ABLIM1: variants seen among roughly 807,000 people sequenced by gnomAD.
ABLIM1 encodes actin-binding LIM protein 1.
In ABLIM1, 40 loss-of-function variants were observed where a neutral mutation model predicts 107.0. The observed-to-expected ratio is 0.37, with a 90% confidence interval of 0.29 to 0.49. The LOEUF (loss-of-function observed/expected upper bound fraction) is 0.49, where lower values mean the gene tolerates loss of function less well. ABLIM1 is among the 20% of genes least tolerant of loss of function. The probability of loss-of-function intolerance (pLI) is 0.97; values close to 1 mark genes in which losing one functional copy is unlikely to be tolerated. For missense variants in ABLIM1, 857 were observed against 1,008.5 expected (o/e 0.85, Z 2.04); for synonymous variants, 357 against 357.3 (o/e 1.00, Z 0.01).
chr10:114,636,519 G>A (rs2078487759), intron 1 of ABLIM1, among the ~76,000 whole-genome samples: 2 of 152,166 alleles, frequency 1.3e-5, no homozygotes, highest in African/African-American at 4.8e-5. Context: ...CAGACAGCTT[G>A]ACATGGAATG....
At chr10:114,669,241 T>C (rs1006580136) in intron 1 of ABLIM1, among the ~76,000 whole-genome samples, 1 of 152,236 alleles carries the variant, frequency 6.6e-6, no homozygotes, top group Non-Finnish European at 1.5e-5. Context: ...TTTTATTGAT[T>C]AAAATTTCCA....
intron 8 of ABLIM1, among the ~76,000 whole-genome samples, chr10:114,483,104 A>G (rs894144191): frequency 4.6e-5 from 7 of 152,228 alleles, no homozygotes; most frequent in Admixed American, 2.0e-4. Flanking sequence ...ACTGGAGCTG[A>G]AACTTTAACA....
chr10:114,735,756 C>G (rs2082166943), intron 1 of ABLIM1, among the ~76,000 whole-genome samples: 1 of 152,180 alleles, frequency 6.6e-6, no homozygotes, highest in East Asian at 1.9e-4. Context: ...GCGTGAGCCA[C>G]CATGCCCGGC....
the ABLIM1 span, chr10:114,779,911 TGAC>T: frequency 6.6e-6 from 1 of 152,042 alleles, no homozygotes; most frequent in Non-Finnish European, 1.5e-5. Flanking sequence ...AAGTTTGTGT[TGAC>T]TTTTTTTTTT....
At chr10:114,438,312 T>G (rs1368713475) in intron 21 of ABLIM1, among the ~76,000 whole-genome samples, 1 of 152,144 alleles carries the variant, frequency 6.6e-6, no homozygotes, top group Non-Finnish European at 1.5e-5. Flanking sequence ...CCAGGCTGGA[T>G]GCAGTGGTGT....
the ABLIM1 span, among the ~76,000 whole-genome samples, chr10:114,783,168 G>A: frequency 7.9e-5 from 12 of 152,016 alleles, no homozygotes; most frequent in African/African-American, 2.9e-4. Flanking sequence ...TGTAATCCCA[G>A]CTACTTGGAA....
At chr10:114,519,242 C>T (rs1278442933) in intron 6 of ABLIM1, among the ~76,000 whole-genome samples, 1 of 152,152 alleles carries the variant, frequency 6.6e-6, no homozygotes, top group Non-Finnish European at 1.5e-5. Context: ...TTCTGGGTCT[C>T]AGTGTCCTCA....
chr10:114,595,897 T>C (rs2075368839), intron 2 of ABLIM1, among the ~76,000 whole-genome samples: 1 of 152,190 alleles, frequency 6.6e-6, no homozygotes, highest in African/African-American at 2.4e-5. Context: ...TCCAAATTCT[T>C]CTTCCCAACA....
chr10:114,480,849 C>T (rs1445154755), intron 8 of ABLIM1, among the ~76,000 whole-genome samples: 1 of 152,214 alleles, frequency 6.6e-6, no homozygotes, highest in Non-Finnish European at 1.5e-5. Context: ...ACTTTCCACA[C>T]ACACACACAC....
intron 1 of ABLIM1, among the ~76,000 whole-genome samples, chr10:114,708,867 A>T (rs1172720293): frequency 6.6e-6 from 1 of 152,186 alleles, no homozygotes; most frequent in Non-Finnish European, 1.5e-5. Context: ...GGTTTGTAAA[A>T]TCTGTACCAA....
At chr10:114,689,091 A>T (rs1445502573), upstream of ABLIM1, among the ~76,000 whole-genome samples, 1 of 152,090 alleles carries the variant, frequency 6.6e-6, no homozygotes, top group Non-Finnish European at 1.5e-5. Context: ...GCAGAGAGGG[A>T]GGCCATCGTA....
chr10:114,531,215 A>G (rs1022532414), intron 6 of ABLIM1, among the ~76,000 whole-genome samples: 1 of 152,216 alleles, frequency 6.6e-6, no homozygotes, highest in African/African-American at 2.4e-5. Context: ...GTTCATTCCA[A>G]ATATTGGGCT....
chr10:114,512,774 G>A (rs557594786), intron 6 of ABLIM1, among the ~76,000 whole-genome samples: 3 of 150,966 alleles, frequency 2.0e-5, no homozygotes, highest in South Asian at 2.1e-4. Context: ...GCGGTGAGCC[G>A]AGATCGTGCC....
At chr10:114,558,083 A>C (rs1264630783) in intron 4 of ABLIM1, among the ~76,000 whole-genome samples, 1 of 152,126 alleles carries the variant, frequency 6.6e-6, no homozygotes, top group Non-Finnish European at 1.5e-5. Flanking sequence ...TTCCTTGGCA[A>C]TAATTGTTGT....
At chr10:114,668,997 C>T (rs1235584555) in intron 1 of ABLIM1, among the ~76,000 whole-genome samples, 3 of 152,198 alleles carry the variant, frequency 2.0e-5, no homozygotes, top group African/African-American at 7.2e-5. Context: ...TAGTCTTCCT[C>T]ATTTCTATGT....
chr10:114,685,598 T>G (rs1462654499), upstream of ABLIM1, among the ~76,000 whole-genome samples: 1 of 152,176 alleles, frequency 6.6e-6, no homozygotes, highest in African/African-American at 2.4e-5. Context: ...TGGAACTTGG[T>G]GCCTCTGATA....
chr10:114,452,022 G>C (rs2061995575), intron 13 of ABLIM1, among the ~76,000 whole-genome samples: 1 of 152,068 alleles, frequency 6.6e-6, no homozygotes, highest in African/African-American at 2.4e-5. Context: ...ACCAGCTTGG[G>C]GAAAATGCCC....
intron 1 of ABLIM1, among the ~76,000 whole-genome samples, chr10:114,693,371 CTGTGAG>C (rs3061734): frequency 0.47 from 71,255 of 151,488 alleles, 17,519 homozygotes; most frequent in South Asian, 0.6. Flanking sequence ...AAATGAAGGC[CTGTGAG>C]TGTAAGTGAC....
At chr10:114,769,172 G>GAAA (rs35691537), upstream of ABLIM1, among the ~76,000 whole-genome samples, 19 of 46,522 alleles carry the variant, frequency 4.1e-4, no homozygotes, top group East Asian at 2.7e-3. Context: ...TGTCTTCAAT[G>GAAA]AAAAAAAAAA....
Sources: allele counts gnomAD v4.1 joint callset (sites outside exome capture counted in the v4.1 genomes callset), GRCh38; gene constraint gnomAD v4.1.1; transcripts MANE v1.5; gene names NCBI Gene and HGNC (gene_info 2026-07-23, HGNC 2026-07-21).